Variants in SLC24A3 observed in about 807,000 individuals in gnomAD.
SLC24A3 encodes sodium/potassium/calcium exchanger 3.
Under a neutral mutation model 75.8 loss-of-function variants are expected in SLC24A3, and 28 were observed. The ratio of observed to expected loss-of-function variants is 0.37; its 90% CI spans 0.27 to 0.51. The LOEUF (loss-of-function observed/expected upper bound fraction) is 0.51, where lower values mean the gene tolerates loss of function less well. Ranked by LOEUF, SLC24A3 falls within the 20% of genes least tolerant of loss-of-function variation. The pLI is 0.94. For missense variants in SLC24A3, 663 were observed against 847.8 expected (o/e 0.78, Z 2.71); for synonymous variants, 372 against 334.1 (o/e 1.11, Z -1.24).
At chr20:19,426,936 A>G (rs541231685) in intron 2 of SLC24A3, among the ~76,000 whole-genome samples, 22 of 152,318 alleles carry the variant, frequency 1.4e-4, no homozygotes, top group African/African-American at 3.8e-4. Context: ...CAGAGAACAA[A>G]GGAATAAAAA....
At chr20:19,370,946 T>G (rs1049545412) in intron 2 of SLC24A3, among the ~76,000 whole-genome samples, 8 of 152,110 alleles carry the variant, frequency 5.3e-5, no homozygotes, top group African/African-American at 1.9e-4. Context: ...TGATCCTCAT[T>G]GGAAGATGAT....
chr20:19,522,683 A>T (rs1314530478), intron 3 of SLC24A3, among the ~76,000 whole-genome samples: 1 of 152,192 alleles, frequency 6.6e-6, no homozygotes, highest in Non-Finnish European at 1.5e-5. Flanking sequence ...ATTCAGACGG[A>T]GCTGCCCTCC....
intron 2 of SLC24A3, among the ~76,000 whole-genome samples, chr20:19,410,197 C>T (rs1487866419): frequency 6.6e-6 from 1 of 152,086 alleles, no homozygotes; most frequent in African/African-American, 2.4e-5. Context: ...TTATCAAACT[C>T]CTCATTAGAG....
intron 1 of SLC24A3, among the ~76,000 whole-genome samples, chr20:19,218,692 AG>A (rs1477230912): frequency 1.3e-4 from 19 of 148,298 alleles, no homozygotes; most frequent in South Asian, 2.1e-4. Flanking sequence ...CCTTGTGGGA[AG>A]CTTTTTTTTT....
intron 15 of SLC24A3, among the ~76,000 whole-genome samples, chr20:19,713,915 A>G (rs931741027): frequency 6.6e-6 from 1 of 152,212 alleles, no homozygotes; most frequent in Non-Finnish European, 1.5e-5. Flanking sequence ...AAACCCAGGA[A>G]GTTAGCTCTG....
chr20:19,220,591 A>C lies in SLC24A3; in HGVS notation c.142+7607A>C, dbSNP rs1163648494. On this transcript the variant is annotated intron_variant, in intron 1 of 16. Coordinates refer to ENST00000328041, the MANE Select transcript of SLC24A3 (RefSeq NM_020689.4). ...GAAGATTTGGACTTTTAGAGCATCT[A>C]GGTGGAATATAGAGCTGACATTTGA... 3.9e-5 allele frequency among the ~76,000 whole-genome samples: 6 copies of C among 152,354 alleles called. No homozygotes were observed. The East Asian group carries it at 9.6e-4, about 25-fold the overall frequency.
chr20:19,704,351 A>T lies in SLC24A3; in HGVS notation c.1719+5671A>T, dbSNP rs532640177. Among the ~76,000 whole-genome samples, 4 of 152,354 alleles carry T rather than the reference A, an allele frequency of 2.6e-5. No homozygotes were observed. The East Asian group carries it at 7.7e-4, about 29-fold the overall frequency. On this transcript the variant is annotated intron_variant, in intron 15 of 16. Transcript: ENST00000328041. ...GCACCAGGCACTGTAGGAACACTGT[A>T]TTCGCATGGTCTCATCTAATCCTTC...
chr20:19,588,518 A>T (rs1295144370), intron 6 of SLC24A3, among the ~76,000 whole-genome samples: 1 of 152,242 alleles, frequency 6.6e-6, no homozygotes, highest in African/African-American at 2.4e-5. Flanking sequence ...TTGCAAACAT[A>T]ACCCTCGCTT....
chr20:19,462,433 C>T (rs540174499), intron 2 of SLC24A3, among the ~76,000 whole-genome samples: 2 of 118,370 alleles, frequency 1.7e-5, no homozygotes, highest in South Asian at 2.8e-4. Context: ...AGCTTTCTAA[C>T]AGGCTCCCAG....
rs559468971 is a variant in SLC24A3 at position 19,718,696 on chromosome 20, A to C, written c.1785+1103A>C. On this transcript the variant is annotated intron_variant, in intron 16 of 16. Coordinates refer to ENST00000328041, the MANE Select transcript of SLC24A3 (RefSeq NM_020689.4). ...AACCACTAACTGGGCTGTCAAAATG[A>C]GGTTACCAAAATGCTGAAGAGAGGC... 3.3e-5 allele frequency among the ~76,000 whole-genome samples: 5 copies of C among 152,320 alleles called. No individual in the cohort carries two copies. The South Asian group carries it at 1.0e-3, about 32-fold the overall frequency.
chr20:19,572,890 T>A (rs541863670), intron 3 of SLC24A3, among the ~76,000 whole-genome samples: 25 of 151,608 alleles, frequency 1.6e-4, no homozygotes, highest in East Asian at 9.7e-4. Flanking sequence ...AAAATAAATT[T>A]AAAAAAAAAC....
chr20:19,378,044 A>G (rs1428263376), intron 2 of SLC24A3, among the ~76,000 whole-genome samples: 2 of 152,168 alleles, frequency 1.3e-5, no homozygotes, highest in Non-Finnish European at 2.9e-5. Flanking sequence ...CTTTACAGAA[A>G]AGGTTTCCTG....
At chr20:19,558,565 C>T (rs777914436) in intron 3 of SLC24A3, among the ~76,000 whole-genome samples, 2 of 152,166 alleles carry the variant, frequency 1.3e-5, no homozygotes, top group Non-Finnish European at 2.9e-5. Context: ...CTCTCCATGT[C>T]AGATCCTTGG....
chr20:19,568,075 C>A (rs1568658435), intron 3 of SLC24A3, among the ~76,000 whole-genome samples: 2 of 152,120 alleles, frequency 1.3e-5, no homozygotes, highest in Non-Finnish European at 2.9e-5. Flanking sequence ...CAAATTAAAA[C>A]CACAGTAAGA....
chr20:19,657,215 A>G lies in SLC24A3; in HGVS notation c.687+3079A>G, dbSNP rs2032276334. Among the ~76,000 whole-genome samples the G allele has an allele frequency of 2.0e-5, 3 of 152,356 alleles. 1 individual carries two copies. The East Asian group carries it at 5.8e-4, about 29-fold the overall frequency. ...GAAAAATTACATCTCTCCACTGTTA[A>G]GAAGAAATAGAAAAGATAAAGTTTG... On this transcript the variant is annotated intron_variant, in intron 7 of 16. Transcript: ENST00000328041.
chr20:19,711,449 C>G (rs549336584), intron 15 of SLC24A3, among the ~76,000 whole-genome samples: 1 of 150,876 alleles, frequency 6.6e-6, no homozygotes, highest in African/African-American at 2.4e-5. Flanking sequence ...CAGGCAAACG[C>G]GTGCACACAC....
At chr20:19,429,242 G>A (rs1038093880) in intron 2 of SLC24A3, among the ~76,000 whole-genome samples, 1 of 152,190 alleles carries the variant, frequency 6.6e-6, no homozygotes, top group African/African-American at 2.4e-5. Flanking sequence ...TGTTATCATT[G>A]AGAAAAGAAT....
chr20:19,632,755 A>G (rs6046214), intron 6 of SLC24A3, among the ~76,000 whole-genome samples: 131,063 of 152,178 alleles, frequency 0.86, 56,842 homozygotes, highest in African/African-American at 0.95. Flanking sequence ...TCTGCTGCAG[A>G]ATAGGTGTCC....
intron 2 of SLC24A3, among the ~76,000 whole-genome samples, chr20:19,355,503 AC>A (rs1403186228): frequency 6.6e-6 from 1 of 152,164 alleles, no homozygotes; most frequent in Non-Finnish European, 1.5e-5. Flanking sequence ...TCTGGCCTCT[AC>A]CTGGAGCTGT....
Sources: allele counts gnomAD v4.1 joint callset (sites outside exome capture counted in the v4.1 genomes callset), GRCh38; gene constraint gnomAD v4.1.1; transcripts MANE v1.5; gene names NCBI Gene and HGNC (gene_info 2026-07-23, HGNC 2026-07-21).